RFK: variants seen among roughly 807,000 people sequenced by gnomAD.
The protein encoded by RFK is 0610038L10Rik.
RFK carries 4 observed loss-of-function variants against 17.6 expected under a neutral mutation model. That is an observed-to-expected ratio of 0.23 (90% confidence interval 0.11 to 0.52). The LOEUF is 0.52. Among genes scored for constraint, RFK ranks in the 20% least tolerant of loss-of-function variants. The pLI is 0.96. For missense variants in RFK, 189 were observed against 187.7 expected, an observed-to-expected ratio of 1.01 and a Z score of -0.04; for synonymous variants, 59 against 63.8, an observed-to-expected ratio of 0.92 and a Z score of 0.36.
At position 76,388,642 on chromosome 9, in the gene RFK, CATG is replaced by C; in HGVS notation, c.246_248del (p.Ile82del). ...CATAGAAGTCCTCTTTGAAGGTATG[CATG>C]ATATGTGTTTCCTATAGTCAAGAAA... On this transcript the variant is annotated inframe_deletion, in exon 3 of 4. Transcript: ENST00000376736. The C allele has an allele frequency of 6.2e-7, 1 of 1,606,740 alleles. No homozygotes were observed. Among genetic ancestry groups the C allele is most frequent in the Non-Finnish European group, 8.5e-7 (1 of 1,173,350 alleles).
At chr9:76,391,198 G>A (rs1187964731) in intron 2 of RFK, among the ~76,000 whole-genome samples, 3 of 152,174 alleles carry the variant, frequency 2.0e-5, no homozygotes, top group Non-Finnish European at 2.9e-5. Flanking sequence ...GTACTTCTGC[G>A]TCATTACTAT....
chr9:76,392,392 G>A, intron 2 of RFK, 26 bp downstream of exon 2: 3 of 1,611,442 alleles, frequency 1.9e-6, no homozygotes, highest in Non-Finnish European at 2.5e-6. Context: ...ACCATTTTCG[G>A]TTACAGAGCA....
intron 2 of RFK, among the ~76,000 whole-genome samples, chr9:76,392,002 C>CA (rs1054247287): frequency 6.6e-6 from 1 of 150,870 alleles, no homozygotes; most frequent in African/African-American, 2.4e-5. Flanking sequence ...GGTATAAACT[C>CA]AAATTAAACT....
chr9:76,391,325 C>T (rs77002584), intron 2 of RFK, among the ~76,000 whole-genome samples: 9,345 of 152,278 alleles, frequency 0.061, 338 homozygotes, highest in East Asian at 0.14. Flanking sequence ...CACATTTGAG[C>T]TGACAAAAGA....
intron 2 of RFK, among the ~76,000 whole-genome samples, chr9:76,391,592 G>A (rs563495018): frequency 3.3e-5 from 5 of 152,088 alleles, no homozygotes; most frequent in African/African-American, 1.2e-4. Flanking sequence ...TATGAAACAG[G>A]CTTTTAAATC....
Position 76,387,227 on chromosome 9 carries a change from T to C in RFK, c.*172A>G. On this transcript the variant is annotated 3_prime_UTR_variant, in exon 4 of 4. Coordinates refer to ENST00000376736, the MANE Select transcript of RFK (RefSeq NM_018339.6). ...CAATCTTTTTAGTGCTATGATATGATGGGCTTAATTTAATAGTTGAAGCAT... is the reference window on the plus strand; with the variant it reads ...CAATCTTTTTAGTGCTATGATATGACGGGCTTAATTTAATAGTTGAAGCAT... 1 of 569,972 alleles carries C rather than the reference T, an allele frequency of 1.8e-6. No individual in the cohort carries two copies. Among genetic ancestry groups the C allele is most frequent in the Non-Finnish European group, 3.1e-6 (1 of 325,852 alleles). The allele number at this position is 569,972 out of a possible 1,614,324, so 35.3% of individuals were successfully genotyped here.
intron 1 of RFK, 34 bp downstream of exon 1, chr9:76,394,056 C>T (rs1035073627): frequency 3.5e-5 from 55 of 1,557,856 alleles, no homozygotes; most frequent in Non-Finnish European, 4.5e-5. Flanking sequence ...CCCACGTGAC[C>T]CGGCCCGGGG....
intron 2 of RFK, among the ~76,000 whole-genome samples, chr9:76,389,361 G>A (rs1424284503): frequency 6.6e-6 from 1 of 152,156 alleles, no homozygotes; most frequent in Non-Finnish European, 1.5e-5. Context: ...TGGGTGGGGG[G>A]CGGCTTGAGT....
intron 2 of RFK, among the ~76,000 whole-genome samples, chr9:76,389,636 C>G (rs559300812): frequency 6.6e-6 from 1 of 152,178 alleles, no homozygotes; most frequent in South Asian, 2.1e-4. Context: ...TGGCGCATGC[C>G]TATAGTCCCA....
At chr9:76,391,501 T>G (rs1424030603) in intron 2 of RFK, among the ~76,000 whole-genome samples, 1 of 152,212 alleles carries the variant, frequency 6.6e-6, no homozygotes, top group Non-Finnish European at 1.5e-5. Flanking sequence ...TAAACTGTTT[T>G]ATCTTAAGAG....
Position 76,385,979 on chromosome 9 carries a change from A to G in RFK, c.*1420T>C, listed in dbSNP as rs1046959105. 1 of 152,236 alleles carries G rather than the reference A, an allele frequency of 6.6e-6. No homozygotes were observed. Among genetic ancestry groups the G allele is most frequent in the Non-Finnish European group, 1.5e-5 (1 of 68,026 alleles). 9.4% of individuals were successfully genotyped at this position (152,236 alleles called of 1,614,324 possible). A position where few individuals can be genotyped will look rare whatever the true frequency, so the allele number is the denominator to read the frequency against. On this transcript the variant is annotated 3_prime_UTR_variant, in exon 4 of 4. Transcript: ENST00000376736. ...AACAGCTTTAGATGTTTTTCTGAGT[A>G]CTTTTTACACAGAATATTTTTATTA...
intron 3 of RFK, 198 bp downstream of exon 3, chr9:76,388,356 T>C (rs1248537209): frequency 1.6e-6 from 1 of 640,634 alleles, no homozygotes. Context: ...CTCTGTGCCA[T>C]TTCCTCATCT....
At position 76,387,401 on chromosome 9, in the gene RFK, A is replaced by G. The variant is rs947917407; in HGVS notation, c.466T>C (p.Ter156ArgextTer1). 6.2e-7 allele frequency: 1 copy of G among 1,603,280 alleles called. No homozygotes were observed. The highest frequency in any genetic ancestry group is 1.7e-5 in the Admixed American group (1 of 59,492). The change falls in exon 4 of 4, where the codon TGA (stop) becomes CGA (arginine). Residue 156 changes from the stop codon to arginine (R), a stop_lost. Coordinates refer to ENST00000376736, the MANE Select transcript of RFK (RefSeq NM_018339.6). ...VSKSKIMNGH* is the reference protein window; with the variant it reads ...VSKSKIMNGHR ...TGAATAAATAATACAATTTTTCATC[A>G]GTGGCCATTCATTATTTTGCTTTTA...
rs768209888 is a variant in RFK at position 76,394,189 on chromosome 9, G to A, written c.-18C>T. 5.1e-6 allele frequency: 8 copies of A among 1,581,854 alleles called. No homozygotes were observed. Among genetic ancestry groups the A allele is most frequent in the Non-Finnish European group, 6.9e-6 (8 of 1,165,558 alleles). On this transcript the variant is annotated 5_prime_UTR_variant, in exon 1 of 4. Coordinates refer to ENST00000376736, the MANE Select transcript of RFK (RefSeq NM_018339.6). ...TGCCTCATAATGCAGTCCGCTCGGG[G>A]AATGGGCTGCGGCCCGGTCTGCGCG...
chr9:76,393,466 C>T (rs919746472), intron 1 of RFK, among the ~76,000 whole-genome samples: 1 of 152,196 alleles, frequency 6.6e-6, no homozygotes, highest in African/African-American at 2.4e-5. Context: ...CTCGGCCTCC[C>T]AAAGTGCTGG....
chr9:76,390,896 C>A (rs532352319), intron 2 of RFK, among the ~76,000 whole-genome samples: 1 of 151,304 alleles, frequency 6.6e-6, no homozygotes, highest in African/African-American at 2.4e-5. Context: ...ATGTGTGTTA[C>A]TGGCAAAGGC....
At chr9:76,387,790 C>T (rs927797133) in intron 3 of RFK, 8 of 298,814 alleles carry the variant, frequency 2.7e-5, no homozygotes, top group Admixed American at 9.4e-5. Context: ...ACCTGAAGTC[C>T]GGAGTTCGAG....
rs768851119 is a variant in RFK, at chr9:76,394,319, C to T, written c.-148G>A. ...GGGCGCACCAGTGGCCGGACGACGC[C>T]GACCACAGGCCACTGCGAATCCCTG... On this transcript the variant is annotated 5_prime_UTR_variant, in exon 1 of 4. Transcript: ENST00000376736. 1.5e-6 allele frequency: 1 copy of T among 674,878 alleles called. No homozygotes were observed. The highest frequency in any genetic ancestry group is 2.3e-6 in the Non-Finnish European group (1 of 427,864). The allele number at this position is 674,878 out of a possible 1,614,324, so 41.8% of individuals were successfully genotyped here. A position where few individuals can be genotyped will look rare whatever the true frequency, so the allele number is the denominator to read the frequency against.
At chr9:76,392,765 G>A (rs899718608) in intron 1 of RFK, among the ~76,000 whole-genome samples, 196 bp from the exon 2 acceptor site, 5 of 152,090 alleles carry the variant, frequency 3.3e-5, no homozygotes, top group Admixed American at 2.0e-4. Context: ...GCTGGGGATG[G>A]TGGCCTGCAC....
Sources: gnomAD v4.1 joint callset for allele counts (sites outside exome capture counted in the v4.1 genomes callset) on GRCh38, gnomAD v4.1.1 for gene constraint, MANE v1.5 for transcripts, NCBI Gene and HGNC (gene_info 2026-07-23, HGNC 2026-07-21) for gene names.